TCF7L2: variants seen among roughly 807,000 people sequenced by gnomAD.
The protein encoded by TCF7L2 is transcription factor 7 like 2, also known as transcription factor 7-like 2.
In TCF7L2, 23 loss-of-function variants were observed where a neutral mutation model predicts 77.9. The ratio of observed to expected loss-of-function variants is 0.30; its 90% CI spans 0.21 to 0.42. TCF7L2 has a LOEUF of 0.42. Ranked by LOEUF, TCF7L2 falls within the 10% of genes least tolerant of loss-of-function variation. The pLI, the probability that TCF7L2 is intolerant of heterozygous loss-of-function variation, is 1.00. For synonymous variants in TCF7L2, 413 were observed against 340.2 expected (o/e 1.21, Z -2.36); for missense variants, 654 against 793.1 (o/e 0.82, Z 2.11).
At chr10:113,022,102 G>A (rs2048348734) in intron 4 of TCF7L2, among the ~76,000 whole-genome samples, 1 of 152,224 alleles carries the variant, frequency 6.6e-6, no homozygotes, top group Admixed American at 6.5e-5. Flanking sequence ...TTTTCTTTGA[G>A]ATTTTGTTTT....
intron 5 of TCF7L2, among the ~76,000 whole-genome samples, chr10:113,061,629 G>GT (rs2056459555): frequency 6.6e-6 from 1 of 152,276 alleles, no homozygotes; most frequent in Admixed American, 6.5e-5. Flanking sequence ...AGGGAGGGCC[G>GT]TGTCACCTAG....
At position 113,139,069 on chromosome 10, in the gene TCF7L2, C is replaced by T. The variant is rs189044925; in HGVS notation, c.553-2115C>T. ...CACCCCTTAGTAATCATCTTCCCTT[C>T]TCTGGGCTATGGGTGGTTCTCCCCA... On this transcript the variant is annotated intron_variant, in intron 5 of 13. Transcript: ENST00000627217. Among the ~76,000 whole-genome samples the T allele has an allele frequency of 4.2e-3, 637 of 152,298 alleles. 2 individuals carry two copies. The highest frequency in any genetic ancestry group is 7.2e-3 in the Non-Finnish European group (490 of 68,034).
At chr10:113,109,396 TA>T (rs772689033) in intron 5 of TCF7L2, among the ~76,000 whole-genome samples, 16 of 152,194 alleles carry the variant, frequency 1.1e-4, no homozygotes, top group African/African-American at 3.6e-4. Context: ...TTTGTTTATT[TA>T]TTTTTTTGAG....
At position 113,025,665 on chromosome 10, in the gene TCF7L2, G is replaced by A. The variant is rs7074440; in HGVS notation, c.451-14360G>A. Among the ~76,000 whole-genome samples the A allele has an allele frequency of 0.25, 37,821 of 152,100 alleles. 5,124 individuals carry two copies. Among genetic ancestry groups the A allele is most frequent in the Middle Eastern group, 0.37 (108 of 292 alleles). On this transcript the variant is annotated intron_variant, in intron 4 of 13. Coordinates refer to ENST00000627217, the MANE Select transcript of TCF7L2 (RefSeq NM_001146274.2). ...CAAAGTGCTGGGATTACAGGTGTGA[G>A]TCACCGCTCCTGGCCTGAAGCATTT...
At chr10:112,979,631 A>G (rs1214545512) in intron 4 of TCF7L2, among the ~76,000 whole-genome samples, 1 of 151,934 alleles carries the variant, frequency 6.6e-6, no homozygotes, top group Non-Finnish European at 1.5e-5. Context: ...AGTGGCATGC[A>G]CCTGTAATTC....
At chr10:113,014,658 G>A (rs564666100) in intron 4 of TCF7L2, among the ~76,000 whole-genome samples, 8 of 152,234 alleles carry the variant, frequency 5.3e-5, no homozygotes, top group South Asian at 4.2e-4. Flanking sequence ...GGTGGTGGGC[G>A]CCTGTAATGC....
At chr10:113,035,474 C>T (rs1444397914) in intron 4 of TCF7L2, among the ~76,000 whole-genome samples, 2 of 152,148 alleles carry the variant, frequency 1.3e-5, no homozygotes, top group Non-Finnish European at 2.9e-5. Context: ...ATTTTTTGAG[C>T]CAGGTTCTCA....
chr10:113,137,237 C>T (rs1161854248), intron 5 of TCF7L2, among the ~76,000 whole-genome samples: 1 of 152,202 alleles, frequency 6.6e-6, no homozygotes, highest in Non-Finnish European at 1.5e-5. Context: ...GGAGTGGAAT[C>T]ATGGCTGTGT....
At chr10:113,014,925 T>C (rs946480901) in intron 4 of TCF7L2, among the ~76,000 whole-genome samples, 1 of 152,232 alleles carries the variant, frequency 6.6e-6, no homozygotes, top group East Asian at 1.9e-4. Flanking sequence ...TAGTGGCTCA[T>C]GCCTATAATC....
chr10:113,069,918 C>G (rs548027773), intron 5 of TCF7L2, among the ~76,000 whole-genome samples: 2 of 151,958 alleles, frequency 1.3e-5, no homozygotes, highest in Admixed American at 6.6e-5. Context: ...CATGGCTGGT[C>G]GGTGTCAGGG....
chr10:113,087,179 G>A (rs779709956), intron 5 of TCF7L2, among the ~76,000 whole-genome samples: 7 of 152,224 alleles, frequency 4.6e-5, no homozygotes, highest in Non-Finnish European at 7.3e-5. Flanking sequence ...TCTGTACAGA[G>A]AGGTTGTGTG....
intron 5 of TCF7L2, among the ~76,000 whole-genome samples, chr10:113,064,124 G>A (rs2056917843): frequency 6.6e-6 from 1 of 152,142 alleles, no homozygotes; most frequent in South Asian, 2.1e-4. Context: ...TCCTGAAGAA[G>A]GACTGTTTCT....
intron 5 of TCF7L2, among the ~76,000 whole-genome samples, chr10:113,128,927 C>T (rs542954477): frequency 6.6e-6 from 1 of 152,266 alleles, no homozygotes; most frequent in Non-Finnish European, 1.5e-5. Flanking sequence ...ATCCCTCTGC[C>T]GTTTCCCTTC....
At chr10:113,053,731 A>T (rs762542754) in intron 5 of TCF7L2, among the ~76,000 whole-genome samples, 1 of 152,204 alleles carries the variant, frequency 6.6e-6, no homozygotes, top group Non-Finnish European at 1.5e-5. Flanking sequence ...GTAATACTGG[A>T]TGTTCACTGA....
At chr10:113,118,520 G>T (rs7098502) in intron 5 of TCF7L2, among the ~76,000 whole-genome samples, 9,463 of 141,430 alleles carry the variant, frequency 0.067, 617 homozygotes, top group African/African-American at 0.17. Flanking sequence ...TCATCTGGGG[G>T]GTGTGTGTGT....
intron 5 of TCF7L2, among the ~76,000 whole-genome samples, chr10:113,134,936 AG>A (rs2067178288): frequency 6.6e-6 from 1 of 152,234 alleles, no homozygotes; most frequent in Non-Finnish European, 1.5e-5. Context: ...CTGCAGAAAG[AG>A]GCAGCAATAG....
chr10:113,161,776 G>A (rs1346187913), intron 13 of TCF7L2, among the ~76,000 whole-genome samples: 2 of 152,268 alleles, frequency 1.3e-5, no homozygotes, highest in African/African-American at 2.4e-5. Flanking sequence ...CTTCTCTGAT[G>A]CCAATACGAG....
In TCF7L2 at chr10:113,145,967, C is replaced by A; in HGVS notation, c.789-44C>A. On this transcript the variant is annotated intron_variant, in intron 7 of 13. Transcript: ENST00000627217. The stretch of plus-strand genomic sequence containing the variant: ...TTTCTTCTTTTTCTTGTCCCCACCC[C>A]CACCCTTGTTTCAAGTCTCTTACTT... The A allele has an allele frequency of 2.5e-6, 3 of 1,216,744 alleles. No individual in the cohort carries two copies. The South Asian group carries it at 3.9e-5, about 16-fold the overall frequency. 75.4% of individuals were successfully genotyped at this position (1,216,744 alleles called of 1,614,324 possible). A position where few individuals can be genotyped will look rare whatever the true frequency, so the allele number is the denominator to read the frequency against.
At chr10:113,160,014 C>T (rs201710295) in intron 12 of TCF7L2, 22 bp downstream of exon 14, 36 of 1,611,544 alleles carry the variant, frequency 2.2e-5, no homozygotes, top group African/African-American at 2.7e-5. Context: ...TTTCCAGATT[C>T]GCTGTGCTGG....
Sources: gnomAD v4.1 joint callset for allele counts (sites outside exome capture counted in the v4.1 genomes callset) on GRCh38, gnomAD v4.1.1 for gene constraint, MANE v1.5 for transcripts, NCBI Gene and HGNC (gene_info 2026-07-23, HGNC 2026-07-21) for gene names.